SEMA3A: variants seen among roughly 807,000 people sequenced by gnomAD.
The protein encoded by SEMA3A is semaphorin 3A, also known as semaphorin-3A.
In SEMA3A, 29 loss-of-function variants were observed where a neutral mutation model predicts 97.9. The ratio of observed to expected loss-of-function variants is 0.30; its 90% CI spans 0.22 to 0.40. SEMA3A has a LOEUF of 0.40. Ranked by LOEUF, SEMA3A falls within the 10% of genes least tolerant of loss-of-function variation. The probability of loss-of-function intolerance (pLI) is 1.00; values close to 1 mark genes in which losing one functional copy is unlikely to be tolerated. For missense variants in SEMA3A, 763 were observed against 951.3 expected, an observed-to-expected ratio of 0.80 and a Z score of 2.60; for synonymous variants, 321 against 323.7, an observed-to-expected ratio of 0.99 and a Z score of 0.09.
At chr7:84,052,690 G>A (rs1024984504) in intron 5 of SEMA3A, among the ~76,000 whole-genome samples, 2 of 151,834 alleles carry the variant, frequency 1.3e-5, no homozygotes, top group African/African-American at 4.8e-5. Context: ...TTTTGGAAGG[G>A]TTTTTTTGTG....
In SEMA3A at chr7:84,210,080, A is replaced by T. The variant is rs572812929; in HGVS notation, c.-82-15412T>A. On this transcript the variant is annotated intron_variant, in intron 3 of 3. Coordinates refer to the SEMA3A transcript ENST00000424555. ...TAGCGAAAGAAAACCAATATTATTGATAATAATTTTATCCAACTTATTTCA... is the reference window on the plus strand; with the variant it reads ...TAGCGAAAGAAAACCAATATTATTGTTAATAATTTTATCCAACTTATTTCA... 7.9e-5 allele frequency among the ~76,000 whole-genome samples: 12 copies of T among 152,346 alleles called. No individual in the cohort carries two copies. In the South Asian group the frequency reaches 2.5e-3, roughly 32 times the overall value.
intron 5 of SEMA3A, among the ~76,000 whole-genome samples, chr7:84,051,625 T>A (rs952752207): frequency 3.3e-5 from 5 of 151,990 alleles, no homozygotes; most frequent in African/African-American, 7.3e-5. Flanking sequence ...GACAATGGGG[T>A]TTTCTAGATA....
At chr7:84,151,222 G>A (rs914795515) in intron 1 of SEMA3A, among the ~76,000 whole-genome samples, 3 of 152,100 alleles carry the variant, frequency 2.0e-5, no homozygotes, top group South Asian at 2.1e-4. Flanking sequence ...CACCAGCAAC[G>A]GAACTAAGCT....
chr7:84,280,912 T>G (rs1800425582), intron 3 of SEMA3A, among the ~76,000 whole-genome samples: 1 of 152,208 alleles, frequency 6.6e-6, no homozygotes, highest in South Asian at 2.1e-4. Context: ...TGTATTTATT[T>G]ATTTTTGCCC....
At chr7:84,151,603 T>C (rs1416133561) in intron 1 of SEMA3A, among the ~76,000 whole-genome samples, 1 of 152,102 alleles carries the variant, frequency 6.6e-6, no homozygotes, top group African/African-American at 2.4e-5. Context: ...AGAGACCAAA[T>C]CTACGTCTGA....
rs1248852522 is a variant in SEMA3A, at chr7:83,983,197, TTC to T, written c.1495-1721_1495-1720del. Among the ~76,000 whole-genome samples, 19 of 150,682 alleles carry T rather than the reference TTC, an allele frequency of 1.3e-4. 1 individual carries two copies. In the South Asian group the frequency reaches 2.1e-3, roughly 17 times the overall value. ...TCCTTCCCCATTTCTCTCTCTTTCT[TTC>T]TTTCTCTTTCTTTCCTTTTCTTTTT... On this transcript the variant is annotated intron_variant, in intron 13 of 16. Coordinates refer to ENST00000265362, the MANE Select transcript of SEMA3A (RefSeq NM_006080.3).
At chr7:84,072,410 C>G (rs1035628523) in intron 4 of SEMA3A, among the ~76,000 whole-genome samples, 2 of 151,916 alleles carry the variant, frequency 1.3e-5, no homozygotes, top group Non-Finnish European at 2.9e-5. Flanking sequence ...TTTTTCCTGA[C>G]TGTTTTTGCT....
At chr7:84,168,490 GGTT>G (rs1489436132) in intron 1 of SEMA3A, among the ~76,000 whole-genome samples, 6 of 151,750 alleles carry the variant, frequency 4.0e-5, no homozygotes, top group Non-Finnish European at 8.8e-5. Flanking sequence ...CTGTAATGTT[GGTT>G]GTTTCATTAA....
At chr7:84,198,276 A>T (rs1798283727), upstream of SEMA3A, among the ~76,000 whole-genome samples, 3 of 151,064 alleles carry the variant, frequency 2.0e-5, no homozygotes, top group South Asian at 6.3e-4. Context: ...ACTCACCGCA[A>T]CCTCCACCTC....
intron 1 of SEMA3A, among the ~76,000 whole-genome samples, chr7:84,441,142 G>C (rs1805263701): frequency 6.6e-6 from 1 of 151,320 alleles, no homozygotes; most frequent in South Asian, 2.1e-4. Context: ...TGAGCAACAA[G>C]AGCAAAACTC....
At chr7:84,094,499 T>C (rs1050956036) in intron 4 of SEMA3A, among the ~76,000 whole-genome samples, 1 of 152,140 alleles carries the variant, frequency 6.6e-6, no homozygotes, top group African/African-American at 2.4e-5. Flanking sequence ...ACTTGTATTC[T>C]AGAGCATTCA....
chr7:84,428,864 A>T (rs1400221480), intron 1 of SEMA3A, among the ~76,000 whole-genome samples: 1 of 152,106 alleles, frequency 6.6e-6, no homozygotes, highest in Non-Finnish European at 1.5e-5. Context: ...AATAGAATGT[A>T]AGTTATTTAA....
chr7:84,104,339 A>G (rs1025696312), intron 4 of SEMA3A, among the ~76,000 whole-genome samples: 9 of 152,270 alleles, frequency 5.9e-5, no homozygotes, highest in African/African-American at 2.2e-4. Context: ...TAGGTATGCT[A>G]TATGTGCTAA....
At chr7:84,123,085 AAG>A (rs1415264510) in intron 3 of SEMA3A, among the ~76,000 whole-genome samples, 1 of 152,142 alleles carries the variant, frequency 6.6e-6, no homozygotes, top group Non-Finnish European at 1.5e-5. Flanking sequence ...ATTTAGTGCA[AAG>A]AGAGATGGTT....
intron 3 of SEMA3A, among the ~76,000 whole-genome samples, chr7:84,205,416 C>T (rs1055774277): frequency 1.3e-5 from 2 of 152,030 alleles, no homozygotes; most frequent in Admixed American, 1.3e-4. Flanking sequence ...GTTAAAATAC[C>T]TTGGCAAAAA....
chr7:84,132,385 G>GA (rs1448288991), intron 2 of SEMA3A, among the ~76,000 whole-genome samples: 1 of 52,296 alleles, frequency 1.9e-5, no homozygotes, highest in Non-Finnish European at 3.9e-5. Context: ...AATGGCTGTA[G>GA]AATTTTCTTA....
chr7:84,001,328 C>T (rs1323719406), intron 12 of SEMA3A, among the ~76,000 whole-genome samples: 1 of 151,508 alleles, frequency 6.6e-6, no homozygotes, highest in East Asian at 1.9e-4. Context: ...CCCCCTCTCA[C>T]CCGTACCCCC....
intron 3 of SEMA3A, among the ~76,000 whole-genome samples, chr7:84,259,814 C>CAA (rs201882668): frequency 3.7e-4 from 27 of 73,280 alleles, no homozygotes; most frequent in East Asian, 1.6e-3. Flanking sequence ...AACACACGCA[C>CAA]AAAAAAAAAA....
At chr7:84,128,399 T>C (rs1379444047) in intron 3 of SEMA3A, among the ~76,000 whole-genome samples, 1 of 152,116 alleles carries the variant, frequency 6.6e-6, no homozygotes, top group Non-Finnish European at 1.5e-5. Flanking sequence ...ACATTTCATA[T>C]CATTTCAAGA....
Sources: gnomAD v4.1 joint callset for allele counts (sites outside exome capture counted in the v4.1 genomes callset) on GRCh38, gnomAD v4.1.1 for gene constraint, MANE v1.5 for transcripts, NCBI Gene and HGNC (gene_info 2026-07-23, HGNC 2026-07-21) for gene names.